Variants in SPDYA observed in about 807,000 individuals in gnomAD.
The protein encoded by SPDYA is speedy protein A.
A neutral mutation model predicts 36.7 loss-of-function variants in SPDYA; 11 were observed. The ratio of observed to expected loss-of-function variants is 0.30; its 90% CI spans 0.19 to 0.50. SPDYA has a LOEUF of 0.50. Ranked by LOEUF, SPDYA falls within the 20% of genes least tolerant of loss-of-function variation. SPDYA has a pLI of 0.98. For synonymous variants in SPDYA, 115 were observed against 118.7 expected, an observed-to-expected ratio of 0.97 and a Z score of 0.20; for missense variants, 287 against 370.9, an observed-to-expected ratio of 0.77 and a Z score of 1.86.
At position 28,815,069 on chromosome 2, in the gene SPDYA, C is replaced by T. The variant is rs549783557; in HGVS notation, c.-19+383C>T. Among the ~76,000 whole-genome samples the T allele has an allele frequency of 4.6e-5, 7 of 152,212 alleles. No individual in the cohort carries two copies. The South Asian group carries it at 1.5e-3, about 32-fold the overall frequency. ...AGCTGAGGCGAGAGGATGGCTTAAG[C>T]TCAGCAGTTTGAGAGCAGCCTGGGC... On this transcript the variant is annotated intron_variant, in intron 2 of 7. Transcript: ENST00000334056.
chr2:28,842,496 A>C (rs1183080753), intron 7 of SPDYA, among the ~76,000 whole-genome samples: 2 of 152,160 alleles, frequency 1.3e-5, no homozygotes, highest in Non-Finnish European at 2.9e-5. Flanking sequence ...GAAAAAATAA[A>C]GGTCTTTGAG....
chr2:28,825,625 T>G (rs1304947077), intron 5 of SPDYA, among the ~76,000 whole-genome samples: 1 of 152,206 alleles, frequency 6.6e-6, no homozygotes, highest in African/African-American at 2.4e-5. Flanking sequence ...CCACATTACC[T>G]TTCACAATTA....
At chr2:28,838,636 T>G (rs979423531) in intron 6 of SPDYA, among the ~76,000 whole-genome samples, 1 of 152,104 alleles carries the variant, frequency 6.6e-6, no homozygotes, top group Non-Finnish European at 1.5e-5. Context: ...TTTTCCTAGG[T>G]GGGTTAGTAT....
At chr2:28,815,089 C>G (rs1420535580) in intron 2 of SPDYA, among the ~76,000 whole-genome samples, 2 of 152,052 alleles carry the variant, frequency 1.3e-5, no homozygotes, top group East Asian at 3.9e-4. Context: ...TGAGAGCAGC[C>G]TGGGCAACAT....
intron 7 of SPDYA, among the ~76,000 whole-genome samples, chr2:28,846,205 GACC>G (rs1668871375): frequency 6.6e-6 from 1 of 152,122 alleles, no homozygotes; most frequent in African/African-American, 2.4e-5. Flanking sequence ...AGGAGCTCGA[GACC>G]AGCCTGGCCA....
chr2:28,816,171 A>G lies in SPDYA; in HGVS notation c.157A>G (p.Asn53Asp). 1 of 1,614,086 alleles carries G rather than the reference A, an allele frequency of 6.2e-7. No homozygotes were observed. The highest frequency in any genetic ancestry group is 8.5e-7 in the Non-Finnish European group (1 of 1,179,978). The change falls in exon 3 of 8, where the codon AAC becomes GAC. Residue 53 changes from asparagine to aspartate, a missense_variant. Coordinates refer to ENST00000334056, the MANE Select transcript of SPDYA (RefSeq NM_182756.4). The stretch of plus-strand genomic sequence containing the variant: ...AGCATTTGAAAAAAATACACATAAT[A>G]ACAACAAATCTAAACGCCCCAAAGG... ...WQAFEKNTHN[N>D]NKSKRPKGPC...
Position 28,850,438 on chromosome 2 carries a change from C to T in SPDYA, c.*497C>T, listed in dbSNP as rs1172630359. On this transcript the variant is annotated 3_prime_UTR_variant, in exon 8 of 8. Coordinates refer to ENST00000334056, the MANE Select transcript of SPDYA (RefSeq NM_182756.4). Reference sequence around the variant, plus strand: ...AAAAAAATATATGTACTATAAGCTACATAAAATATTTTCTATTTTTTTCAC... The same window carrying T: ...AAAAAAATATATGTACTATAAGCTATATAAAATATTTTCTATTTTTTTCAC... 7.3e-7 allele frequency: 1 copy of T among 1,378,254 alleles called. No homozygotes were observed. The highest frequency in any genetic ancestry group is 2.3e-5 in the East Asian group (1 of 42,852). The allele number at this position is 1,378,254 out of a possible 1,614,324, so 85.4% of individuals were successfully genotyped here.
Position 28,840,487 on chromosome 2 carries a change from G to C in SPDYA, c.850+18G>C. The C allele has an allele frequency of 3.1e-6, 5 of 1,610,392 alleles. No individual in the cohort carries two copies. In the South Asian group the frequency reaches 5.5e-5, roughly 18 times the overall value. ...TTCTGAAGGTATGATTTAGTAATAT[G>C]CCAGAATTAGATTTATGCATGTTGT... On this transcript the variant is annotated intron_variant, in intron 7 of 7. Coordinates refer to ENST00000334056, the MANE Select transcript of SPDYA (RefSeq NM_182756.4).
At chr2:28,819,949 T>TGCAGTGA (rs1668116509) in intron 4 of SPDYA, among the ~76,000 whole-genome samples, 1 of 139,466 alleles carries the variant, frequency 7.2e-6, no homozygotes, top group African/African-American at 2.7e-5. Context: ...AGATCAAGGC[T>TGCAGTGA]GCAGTGAGCT....
intron 6 of SPDYA, among the ~76,000 whole-genome samples, chr2:28,829,957 AAAG>A (rs368362441): frequency 0.36 from 36,412 of 102,174 alleles, 9,907 homozygotes; most frequent in East Asian, 0.72. Context: ...AAAAAAAAAA[AAAG>A]AAAAGAAAAG....
intron 5 of SPDYA, among the ~76,000 whole-genome samples, chr2:28,827,680 A>G (rs747420742): frequency 3.3e-5 from 5 of 152,058 alleles, no homozygotes; most frequent in Admixed American, 6.6e-5. Context: ...TTTACTCTTT[A>G]TCACTGGTTT....
intron 7 of SPDYA, among the ~76,000 whole-genome samples, chr2:28,844,792 G>C (rs1055531859): frequency 6.6e-6 from 1 of 151,816 alleles, no homozygotes; most frequent in Non-Finnish European, 1.5e-5. Context: ...AATTTAGCTG[G>C]GCATGGTGCG....
At chr2:28,822,296 A>C in intron 4 of SPDYA, 29 bp from the exon 5 acceptor site, 1 of 1,096,372 alleles carries the variant, frequency 9.1e-7, no homozygotes, top group South Asian at 1.7e-5. Context: ...CAAAACATTA[A>C]TATTAATTTT....
At chr2:28,849,805 GGACA>G (rs1233154549) in intron 7 of SPDYA, 41 bp from the exon 8 acceptor site, 1 of 1,131,790 alleles carries the variant, frequency 8.8e-7, no homozygotes, top group Non-Finnish European at 1.3e-6. Context: ...TATTTAAAAT[GGACA>G]GATACATAAA....
chr2:28,819,820 TAAAAAAAAAAAAAAAA>T (rs1174507151), intron 4 of SPDYA, among the ~76,000 whole-genome samples: 8 of 17,216 alleles, frequency 4.6e-4, no homozygotes, highest in Non-Finnish European at 5.5e-4. Flanking sequence ...CCTGGTCTCT[TAAAAAAAAAAAAAAAA>T]AAAAAAAAAA....
intron 7 of SPDYA, among the ~76,000 whole-genome samples, chr2:28,843,522 C>T (rs1668797466): frequency 6.7e-6 from 1 of 148,410 alleles, no homozygotes; most frequent in South Asian, 2.1e-4. Flanking sequence ...TGCACTCCAG[C>T]CTGTGCAAAA....
At chr2:28,826,611 CTTTTTTTTTTT>C (rs777338299) in intron 5 of SPDYA, among the ~76,000 whole-genome samples, 7 of 75,348 alleles carry the variant, frequency 9.3e-5, no homozygotes, top group East Asian at 4.9e-4. Context: ...TTCTTTCTCT[CTTTTTTTTTTT>C]TTTTTTTTTT....
intron 7 of SPDYA, among the ~76,000 whole-genome samples, chr2:28,844,819 G>A (rs1270860412): frequency 1.3e-5 from 2 of 151,990 alleles, no homozygotes; most frequent in Non-Finnish European, 2.9e-5. Context: ...TGTAGTCCCA[G>A]CTACTCGGGA....
At chr2:28,834,151 T>C (rs1376782535) in intron 6 of SPDYA, among the ~76,000 whole-genome samples, 1 of 151,196 alleles carries the variant, frequency 6.6e-6, no homozygotes, top group Non-Finnish European at 1.5e-5. Flanking sequence ...CTGTCAGGGA[T>C]TGCAAATCAA....
Sources: allele counts gnomAD v4.1 joint callset (sites outside exome capture counted in the v4.1 genomes callset), GRCh38; gene constraint gnomAD v4.1.1; transcripts MANE v1.5; gene names NCBI Gene and HGNC (gene_info 2026-07-23, HGNC 2026-07-21).